Variants in SCAI observed in about 807,000 individuals in gnomAD.
SCAI encodes suppressor of cancer cell invasion.
SCAI carries 24 observed loss-of-function variants against 92.2 expected under a neutral mutation model. That is an observed-to-expected ratio of 0.26 (90% CI 0.19 to 0.37). SCAI has a LOEUF of 0.37. SCAI is among the 10% of genes least tolerant of loss of function. The pLI is 1.00. For missense variants in SCAI, 450 were observed against 736.2 expected (o/e 0.61, Z 4.50); for synonymous variants, 261 against 258.6 (o/e 1.01, Z -0.09).
chr9:125,016,921 G>A (rs952915003), intron 9 of SCAI, among the ~76,000 whole-genome samples: 41 of 152,086 alleles, frequency 2.7e-4, no homozygotes, highest in African/African-American at 9.2e-4. Flanking sequence ...GAACAGGGGC[G>A]TCTGGCATAG....
chr9:125,142,960 C>G (rs1342708481), intron 1 of SCAI, among the ~76,000 whole-genome samples: 2 of 151,864 alleles, frequency 1.3e-5, no homozygotes, highest in South Asian at 4.2e-4. Flanking sequence ...CCCAAAATCA[C>G]CCACCTCCAC....
rs34546893 is a variant in SCAI, at chr9:124,994,035, AT to A, written c.1326+898del. ...ACCTTTAAAGTGTTTCACTGCTGGC[AT>A]TTTTTTTTTTTTTTTGAGACGGAGT... On this transcript the variant is annotated intron_variant, in intron 14 of 17. Coordinates refer to ENST00000336505, the MANE Select transcript of SCAI (RefSeq NM_001144877.3). 2.1e-3 allele frequency among the ~76,000 whole-genome samples: 289 copies of A among 139,004 alleles called. 1 individual carries two copies. The highest frequency in any genetic ancestry group is 2.8e-3 in the African/African-American group (106 of 37,694). 91.2% of individuals were successfully genotyped at this position (139,004 alleles called of 152,430 possible). A position where few individuals can be genotyped will look rare whatever the true frequency, so the allele number is the denominator to read the frequency against.
intron 3 of SCAI, among the ~76,000 whole-genome samples, chr9:125,054,235 G>A (rs1588181501): frequency 1.3e-5 from 2 of 152,134 alleles, no homozygotes; most frequent in African/African-American, 2.4e-5. Context: ...TCAGCCTCCC[G>A]AAGTGCTGGG....
At chr9:125,115,398 T>C (rs907133713) in intron 2 of SCAI, among the ~76,000 whole-genome samples, 1 of 144,282 alleles carries the variant, frequency 6.9e-6, no homozygotes, top group African/African-American at 2.6e-5. Context: ...AAAAAAACTC[T>C]TGAAGCACAT....
rs1339501584 is a variant in SCAI, at chr9:125,143,426, T to C, written c.12A>G (p.Gly4=). 3.6e-6 allele frequency: 5 copies of C among 1,394,736 alleles called. No homozygotes were observed. Among genetic ancestry groups the C allele is most frequent in the South Asian group, 1.5e-5 (1 of 65,334 alleles). 86.4% of individuals were successfully genotyped at this position (1,394,736 alleles called of 1,614,324 possible). A position where few individuals can be genotyped will look rare whatever the true frequency, so the allele number is the denominator to read the frequency against. ...TCCGCGGCTGCTGGGGCTGCCGGGCTCCTCTGACCATCCGGCTCCTGCTCC... is the reference window on the plus strand; with the variant it reads ...TCCGCGGCTGCTGGGGCTGCCGGGCCCCTCTGACCATCCGGCTCCTGCTCC... MVR[G]ARQPQQPRSR... Residue 4 remains glycine, a synonymous_variant, in exon 1 of 18, where the codon GGA becomes GGG. Transcript: ENST00000336505.
At chr9:125,039,246 G>A (rs541450210) in intron 3 of SCAI, among the ~76,000 whole-genome samples, 30 of 152,126 alleles carry the variant, frequency 2.0e-4, no homozygotes, top group African/African-American at 6.3e-4. Flanking sequence ...AATTAGCTAG[G>A]CGTGGTGGCA....
chr9:125,032,197 T>TATATATA (rs1564386310), intron 3 of SCAI, among the ~76,000 whole-genome samples: 189 of 84,470 alleles, frequency 2.2e-3, no homozygotes, highest in African/African-American at 8.6e-3. Flanking sequence ...ATATATATAT[T>TATATATA]TTTTTTTTTT....
At chr9:125,066,462 TTA>T (rs1833871141) in intron 2 of SCAI, among the ~76,000 whole-genome samples, 7 of 137,316 alleles carry the variant, frequency 5.1e-5, no homozygotes, top group Admixed American at 1.4e-4. Context: ...ATTTATTTAT[TTA>T]TTTTTTTTTG....
Position 125,045,012 on chromosome 9 carries a change from C to A in SCAI, c.230+10864G>T, listed in dbSNP as rs147996947. 2.4e-3 allele frequency among the ~76,000 whole-genome samples: 364 copies of A among 152,324 alleles called. 1 individual carries two copies. The highest frequency in any genetic ancestry group is 7.2e-3 in the African/African-American group (300 of 41,566). ...GACCCCATGCCCATTCGCTAACACA[C>A]CCCTCGCTGCTCCATACCTGGCCTA... is the stretch of plus-strand genomic sequence containing the variant. On this transcript the variant is annotated intron_variant, in intron 3 of 17. Coordinates refer to ENST00000336505, the MANE Select transcript of SCAI (RefSeq NM_001144877.3).
At chr9:125,130,057 C>A (rs532488207) in intron 2 of SCAI, among the ~76,000 whole-genome samples, 1 of 151,812 alleles carries the variant, frequency 6.6e-6, no homozygotes, top group Admixed American at 6.6e-5. Context: ...CACCACCACG[C>A]CCAGCTAATT....
At chr9:125,020,011 T>G (rs1449781117) in intron 7 of SCAI, among the ~76,000 whole-genome samples, 1 of 148,130 alleles carries the variant, frequency 6.8e-6, no homozygotes, top group Non-Finnish European at 1.5e-5. Flanking sequence ...GAGGCAGAGG[T>G]TGCAGTGAGA....
chr9:125,021,192 C>G (rs185757806), intron 6 of SCAI, among the ~76,000 whole-genome samples: 2 of 152,302 alleles, frequency 1.3e-5, no homozygotes, highest in Non-Finnish European at 2.9e-5. Flanking sequence ...TGAGAAAAGG[C>G]TTCCTAAAGA....
intron 17 of SCAI, among the ~76,000 whole-genome samples, chr9:124,957,118 G>A (rs570831233): frequency 6.6e-6 from 1 of 151,792 alleles, no homozygotes; most frequent in Admixed American, 6.6e-5. Context: ...CGGCCTCCCA[G>A]GTAACTGGGG....
intron 2 of SCAI, among the ~76,000 whole-genome samples, chr9:125,074,659 C>T (rs1397521601): frequency 6.6e-6 from 1 of 151,962 alleles, no homozygotes; most frequent in African/African-American, 2.4e-5. Context: ...CAAATCCAAA[C>T]TTGATCTAAT....
At chr9:125,039,292 C>T (rs766074265) in intron 3 of SCAI, among the ~76,000 whole-genome samples, 18 of 151,372 alleles carry the variant, frequency 1.2e-4, no homozygotes, top group Admixed American at 4.6e-4. Context: ...GAGGCTGAGG[C>T]CGGAGAATCG....
chr9:124,956,337 GC>G (rs1031226509), intron 17 of SCAI, among the ~76,000 whole-genome samples: 10 of 152,090 alleles, frequency 6.6e-5, no homozygotes, highest in Non-Finnish European at 1.3e-4. Flanking sequence ...TCCTGCCTCA[GC>G]CACCCTAGTA....
chr9:125,077,476 T>C (rs972963790), intron 2 of SCAI, among the ~76,000 whole-genome samples: 3 of 152,186 alleles, frequency 2.0e-5, no homozygotes, highest in Non-Finnish European at 4.4e-5. Context: ...CCTAGTAGAA[T>C]TGCTGGGTCA....
chr9:124,974,271 C>T (rs185623031), intron 15 of SCAI: 73 of 445,526 alleles, frequency 1.6e-4, no homozygotes, highest in Non-Finnish European at 3.2e-4. Context: ...TGGTGAGACC[C>T]AGTCCCTACA....
chr9:124,994,472 T>G (rs1832199846), intron 14 of SCAI, among the ~76,000 whole-genome samples: 1 of 152,192 alleles, frequency 6.6e-6, no homozygotes, highest in South Asian at 2.1e-4. Flanking sequence ...GTCACAAATT[T>G]TCAAAAAATC....
Sources: allele counts gnomAD v4.1 joint callset (sites outside exome capture counted in the v4.1 genomes callset), GRCh38; gene constraint gnomAD v4.1.1; transcripts MANE v1.5; gene names NCBI Gene and HGNC (gene_info 2026-07-23, HGNC 2026-07-21).